Variants in KANK1 observed in about 807,000 individuals in gnomAD.
KANK1 encodes KN motif and ankyrin repeat domain-containing protein 1.
In KANK1, 109 loss-of-function variants were observed where a neutral mutation model predicts 106.2. The observed-to-expected ratio is 1.03, with a 90% CI of 0.88 to 1.20. The LOEUF (loss-of-function observed/expected upper bound fraction) is 1.20, where lower values mean the gene tolerates loss of function less well. Ranked by LOEUF, KANK1 falls within the 50% of genes most tolerant of loss-of-function variation. The probability of loss-of-function intolerance (pLI) is 0.00; values close to 1 mark genes in which losing one functional copy is unlikely to be tolerated. For synonymous variants in KANK1, 873 were observed against 652.2 expected (o/e 1.34, Z -5.16); for missense variants, 2,399 against 1,710.7 (o/e 1.40, Z -7.10).
At chr9:655,045 T>G (rs1841815748) in intron 1 of KANK1, among the ~76,000 whole-genome samples, 1 of 152,080 alleles carries the variant, frequency 6.6e-6, no homozygotes, top group South Asian at 2.1e-4. Context: ...ATTAGTTCAA[T>G]TGGTCTTTGA....
At chr9:520,875 A>G (rs940005423) in intron 1 of KANK1, among the ~76,000 whole-genome samples, 4 of 151,592 alleles carry the variant, frequency 2.6e-5, no homozygotes, top group African/African-American at 9.8e-5. Flanking sequence ...TGACTTTTAT[A>G]TCTTGATTTT....
At chr9:557,656 T>C (rs775882726) in intron 1 of KANK1, among the ~76,000 whole-genome samples, 2 of 152,194 alleles carry the variant, frequency 1.3e-5, no homozygotes, top group Non-Finnish European at 2.9e-5. Flanking sequence ...AAAGTACTAA[T>C]CCTTGGGTGA....
intron 2 of KANK1, among the ~76,000 whole-genome samples, chr9:692,388 C>G (rs542146365): frequency 1.3e-5 from 2 of 152,032 alleles, no homozygotes; most frequent in African/African-American, 4.8e-5. Flanking sequence ...TAAAAAATAA[C>G]AAACTAAAAA....
At chr9:475,539 A>T (rs1364198406) in intron 3 of KANK1, among the ~76,000 whole-genome samples, 3 of 152,120 alleles carry the variant, frequency 2.0e-5, no homozygotes, top group African/African-American at 7.2e-5. Flanking sequence ...ATCTTTTCTT[A>T]TCTTCCAAAT....
intron 2 of KANK1, among the ~76,000 whole-genome samples, chr9:685,798 G>GT: frequency 6.6e-6 from 1 of 152,278 alleles, no homozygotes. Context: ...ATAGCTGTGT[G>GT]GCTTTCTGAA....
At chr9:592,400 A>G (rs995290553) in intron 1 of KANK1, among the ~76,000 whole-genome samples, 1 of 151,868 alleles carries the variant, frequency 6.6e-6, no homozygotes, top group Non-Finnish European at 1.5e-5. Context: ...CTTTGTCATT[A>G]CATCCATACT....
intron 6 of KANK1, 129 bp downstream of exon 6, chr9:732,746 TTG>T: frequency 1.0e-6 from 1 of 992,748 alleles, no homozygotes. Flanking sequence ...TATACACATC[TTG>T]AGATACTAAT....
chr9:647,502 A>G (rs1323816360), intron 1 of KANK1, among the ~76,000 whole-genome samples: 3 of 150,996 alleles, frequency 2.0e-5, no homozygotes, highest in African/African-American at 7.4e-5. Flanking sequence ...AACTACAGAA[A>G]CAAGTGCAGT....
At chr9:715,411 A>G (rs1229432041) in intron 3 of KANK1, among the ~76,000 whole-genome samples, 3 of 152,200 alleles carry the variant, frequency 2.0e-5, no homozygotes, top group Non-Finnish European at 4.4e-5. Flanking sequence ...TTTTGTTCCC[A>G]GCCTTCCTCC....
At chr9:700,059 G>A (rs935679351) in intron 2 of KANK1, among the ~76,000 whole-genome samples, 2 of 152,214 alleles carry the variant, frequency 1.3e-5, no homozygotes, top group Non-Finnish European at 2.9e-5. Context: ...GCAGTAGGCA[G>A]TATAAACTCT....
At chr9:560,002 C>A (rs888481313) in intron 1 of KANK1, among the ~76,000 whole-genome samples, 3 of 152,182 alleles carry the variant, frequency 2.0e-5, no homozygotes, top group African/African-American at 4.8e-5. Flanking sequence ...AAGTTTCCAT[C>A]TGACTCCATG....
intron 1 of KANK1, among the ~76,000 whole-genome samples, chr9:649,712 A>G (rs1256843197): frequency 6.6e-6 from 1 of 152,156 alleles, no homozygotes; most frequent in East Asian, 1.9e-4. Context: ...AGGCCCATCA[A>G]GGTTTTCATT....
chr9:618,420 C>G (rs1382392797), intron 1 of KANK1, among the ~76,000 whole-genome samples: 1 of 152,118 alleles, frequency 6.6e-6, no homozygotes, highest in Non-Finnish European at 1.5e-5. Context: ...ATCGGCCAGG[C>G]TGGTCTGAAA....
chr9:705,439 T>C (rs535372944), intron 2 of KANK1, among the ~76,000 whole-genome samples: 31 of 152,266 alleles, frequency 2.0e-4, no homozygotes, highest in African/African-American at 7.0e-4. Context: ...TGAGCCAAGA[T>C]GGCGCCACTG....
At chr9:535,013 C>G (rs1157195198) in intron 1 of KANK1, among the ~76,000 whole-genome samples, 2 of 152,144 alleles carry the variant, frequency 1.3e-5, no homozygotes, top group African/African-American at 4.8e-5. Flanking sequence ...CCCTTTGCCC[C>G]TCCTGCTGGG....
At chr9:555,025 TTGCCCAG>T (rs2061496685) in intron 1 of KANK1, among the ~76,000 whole-genome samples, 1 of 152,188 alleles carries the variant, frequency 6.6e-6, no homozygotes, top group Non-Finnish European at 1.5e-5. Context: ...GGGCATCCGT[TTGCCCAG>T]TCAAGTTGGC....
rs558990379 is a variant in KANK1, at chr9:719,968, C to G, written c.2698+6504C>G. Among the ~76,000 whole-genome samples, 36 of 152,254 alleles carry G rather than the reference C, an allele frequency of 2.4e-4. 1 individual carries two copies. The highest frequency in any genetic ancestry group is 3.4e-3 in the Middle Eastern group (1 of 294). On this transcript the variant is annotated intron_variant, in intron 3 of 11. Coordinates refer to ENST00000382297, the MANE Select transcript of KANK1 (RefSeq NM_015158.5). ...GACATAAAGTTTTCATTTTAAGTGG[C>G]TTGTTTTTCATTATAGTCATCTCAT... is the stretch of plus-strand genomic sequence containing the variant.
chr9:696,060 G>A (rs771582873), intron 2 of KANK1, among the ~76,000 whole-genome samples: 3 of 151,596 alleles, frequency 2.0e-5, no homozygotes, highest in African/African-American at 7.3e-5. Context: ...TGGGAAGCCC[G>A]GCTCACGAGG....
chr9:497,494 ATTC>A (rs1408438258), intron 3 of KANK1, among the ~76,000 whole-genome samples: 3 of 152,030 alleles, frequency 2.0e-5, no homozygotes, highest in Admixed American at 6.6e-5. Flanking sequence ...ATGTTCAAGA[ATTC>A]TTCTCTCACA....
Sources: gnomAD v4.1 joint callset for allele counts (sites outside exome capture counted in the v4.1 genomes callset) on GRCh38, gnomAD v4.1.1 for gene constraint, MANE v1.5 for transcripts, NCBI Gene and HGNC (gene_info 2026-07-23, HGNC 2026-07-21) for gene names.